The following GAN variants were observed in gnomAD, a reference collection of about 807,000 sequenced individuals.
The protein encoded by GAN is epididymis secretory sperm binding protein.
Under a neutral mutation model 71.3 loss-of-function variants are expected in GAN, and 48 were observed. The observed-to-expected ratio is 0.67, with a 90% CI of 0.53 to 0.86. The LOEUF is 0.86. Among genes scored for constraint, GAN ranks in the 40% least tolerant of loss-of-function variants. GAN has a pLI of 0.00. For synonymous variants in GAN, 386 were observed against 276.8 expected (o/e 1.39, Z -3.92); for missense variants, 928 against 770.1 (o/e 1.21, Z -2.43).
At chr16:81,341,387 G>C (rs1314435180) in intron 1 of GAN, among the ~76,000 whole-genome samples, 3 of 152,226 alleles carry the variant, frequency 2.0e-5, no homozygotes, top group African/African-American at 7.2e-5. Context: ...CAGCCAGAGA[G>C]AAAGGTCGGG....
intron 1 of GAN, among the ~76,000 whole-genome samples, chr16:81,349,354 A>G (rs1437201698): frequency 6.6e-6 from 1 of 152,130 alleles, no homozygotes. Context: ...TTTCTAGCAT[A>G]TGAAATTTCA....
intron 1 of GAN, among the ~76,000 whole-genome samples, chr16:81,326,491 C>A (rs149635364): frequency 1.1e-3 from 164 of 152,282 alleles, no homozygotes; most frequent in African/African-American, 3.9e-3. Context: ...CGAGATCGCG[C>A]CATTGCGCTC....
intron 7 of GAN, 95 bp from the exon 8 acceptor site, chr16:81,364,879 A>C: frequency 8.0e-7 from 1 of 1,244,776 alleles, no homozygotes; most frequent in Non-Finnish European, 1.2e-6. Flanking sequence ...CCCCTTCCTA[A>C]ATCTCTTTAA....
At chr16:81,321,044 A>G (rs1218741960) in intron 1 of GAN, among the ~76,000 whole-genome samples, 2 of 152,164 alleles carry the variant, frequency 1.3e-5, no homozygotes, top group African/African-American at 4.8e-5. Flanking sequence ...CCAGGCTTCT[A>G]AGGAAACTAA....
At position 81,377,378 on chromosome 16, in the gene GAN, G is replaced by A. The variant is rs138060293; in HGVS notation, c.1613-37G>A. The stretch of plus-strand genomic sequence containing the variant: ...TGGAACTGTTTCCTGGTGATTCTGG[G>A]TACATTTTCTCACCCTTGCTTATTT... On this transcript the variant is annotated intron_variant, in intron 10 of 10. Transcript: ENST00000648994. 1.2e-3 allele frequency: 1,866 copies of A among 1,602,530 alleles called. 18 individuals carry two copies. In the African/African-American group the frequency reaches 0.022, roughly 19 times the overall value.
intron 2 of GAN, among the ~76,000 whole-genome samples, chr16:81,353,188 G>T (rs1349767564): frequency 6.6e-6 from 1 of 151,710 alleles, no homozygotes; most frequent in African/African-American, 2.4e-5. Flanking sequence ...CTACTCGGGA[G>T]GCTGAGGCAG....
At chr16:81,360,267 C>T (rs1436461394) in intron 5 of GAN, among the ~76,000 whole-genome samples, 3 of 152,180 alleles carry the variant, frequency 2.0e-5, no homozygotes, top group Admixed American at 1.3e-4. Context: ...GTGGACAACT[C>T]TCAGATTTGA....
At chr16:81,316,945 G>C (rs1469261984) in intron 1 of GAN, among the ~76,000 whole-genome samples, 1 of 152,132 alleles carries the variant, frequency 6.6e-6, no homozygotes, top group Non-Finnish European at 1.5e-5. Context: ...TGCAACCTCC[G>C]CCTTCCAGTT....
intron 9 of GAN, among the ~76,000 whole-genome samples, chr16:81,372,799 A>T (rs1021643538): frequency 6.6e-6 from 1 of 152,236 alleles, no homozygotes; most frequent in Non-Finnish European, 1.5e-5. Flanking sequence ...ATAAACCAGT[A>T]TTGTAGTTTG....
chr16:81,370,783 T>C (rs1354086688), intron 9 of GAN, among the ~76,000 whole-genome samples: 2 of 152,252 alleles, frequency 1.3e-5, no homozygotes, highest in African/African-American at 4.8e-5. Flanking sequence ...TTCTCCCTAG[T>C]ATTTTCTGTT....
chr16:81,334,964 T>C (rs1203537734), intron 1 of GAN, among the ~76,000 whole-genome samples: 1 of 152,160 alleles, frequency 6.6e-6, no homozygotes, highest in African/African-American at 2.4e-5. Flanking sequence ...GTCACTATTT[T>C]CATGGATATT....
intron 1 of GAN, among the ~76,000 whole-genome samples, chr16:81,333,475 A>C (rs574785531): frequency 6.6e-6 from 1 of 152,304 alleles, no homozygotes; most frequent in Admixed American, 6.5e-5. Flanking sequence ...AGTACCGTTT[A>C]CTAGTTAGGG....
chr16:81,346,420 C>T (rs1399110453), intron 1 of GAN, among the ~76,000 whole-genome samples: 2 of 151,694 alleles, frequency 1.3e-5, no homozygotes, highest in Non-Finnish European at 2.9e-5. Flanking sequence ...CTGGGCCACA[C>T]AGTGGGAGGT....
At chr16:81,325,099 C>G (rs188061979) in intron 1 of GAN, among the ~76,000 whole-genome samples, 33 of 152,180 alleles carry the variant, frequency 2.2e-4, no homozygotes, top group Non-Finnish European at 2.1e-4. Context: ...GCTTCTTCAT[C>G]GTCACCAACA....
intron 1 of GAN, among the ~76,000 whole-genome samples, chr16:81,338,652 A>C (rs1171302430): frequency 6.6e-6 from 1 of 152,162 alleles, no homozygotes; most frequent in Non-Finnish European, 1.5e-5. Context: ...TTAAGTTGGG[A>C]AGTTGGGGGA....
chr16:81,362,413 T>A, intron 5 of GAN, 86 bp from the exon 6 acceptor site: 2 of 770,142 alleles, frequency 2.6e-6, no homozygotes, highest in Non-Finnish European at 4.8e-6. Flanking sequence ...AGAGAGTTTC[T>A]TCAGATGCTG....
At chr16:81,372,204 C>G (rs887976991) in intron 9 of GAN, among the ~76,000 whole-genome samples, 21 of 152,204 alleles carry the variant, frequency 1.4e-4, no homozygotes, top group Non-Finnish European at 2.8e-4. Flanking sequence ...ATCATTATAG[C>G]CCCCATGTAC....
intron 1 of GAN, among the ~76,000 whole-genome samples, chr16:81,334,005 A>G (rs146225590): frequency 6.6e-6 from 1 of 152,170 alleles, no homozygotes; most frequent in Non-Finnish European, 1.5e-5. Flanking sequence ...TGTAATTCAC[A>G]CTTGCCATGT....
intron 1 of GAN, among the ~76,000 whole-genome samples, chr16:81,327,543 A>T (rs1909430462): frequency 6.6e-6 from 1 of 151,590 alleles, no homozygotes; most frequent in Non-Finnish European, 1.5e-5. Context: ...GTACAAAGAC[A>T]ATAATAAATT....
Sources: gnomAD v4.1 joint callset for allele counts (sites outside exome capture counted in the v4.1 genomes callset) on GRCh38, gnomAD v4.1.1 for gene constraint, MANE v1.5 for transcripts, NCBI Gene and HGNC (gene_info 2026-07-23, HGNC 2026-07-21) for gene names.